The following LRP6 variants were observed in gnomAD, a reference collection of about 807,000 sequenced individuals.
LRP6 encodes LDL receptor related protein 6, also known as low-density lipoprotein receptor-related protein 6.
LRP6 carries 43 observed loss-of-function variants against 184.1 expected under a neutral mutation model. The observed-to-expected ratio is 0.23, with a 90% confidence interval of 0.18 to 0.30. The LOEUF is 0.30. Among genes scored for constraint, LRP6 ranks in the 10% least tolerant of loss-of-function variants. The probability of loss-of-function intolerance (pLI) is 1.00; values close to 1 mark genes in which losing one functional copy is unlikely to be tolerated. For synonymous variants in LRP6, 719 were observed against 684.9 expected, an observed-to-expected ratio of 1.05 and a Z score of -0.78; for missense variants, 1,571 against 2,005.3, an observed-to-expected ratio of 0.78 and a Z score of 4.14.
chr12:12,167,049 T>C (rs775063743), intron 7 of LRP6, among the ~76,000 whole-genome samples: 9 of 152,048 alleles, frequency 5.9e-5, no homozygotes, highest in Non-Finnish European at 1.0e-4. Context: ...CAGTGAGCTA[T>C]AATCAAGCCA....
intron 5 of LRP6, 91 bp from the exon 6 acceptor site, chr12:12,181,530 T>C (rs764981236): frequency 2.0e-5 from 15 of 756,026 alleles, no homozygotes; most frequent in Non-Finnish European, 3.5e-5. Flanking sequence ...GAAAAATAAA[T>C]ATAAAATATA....
chr12:12,217,636 T>C (rs914183714), intron 2 of LRP6, among the ~76,000 whole-genome samples: 5 of 152,014 alleles, frequency 3.3e-5, no homozygotes, highest in Non-Finnish European at 5.9e-5. Flanking sequence ...TTGCTAAACA[T>C]ACTACAAAGC....
At chr12:12,147,284 A>C in intron 15 of LRP6, 82 bp downstream of exon 15, 2 of 1,507,440 alleles carry the variant, frequency 1.3e-6, no homozygotes, top group South Asian at 2.3e-5. Flanking sequence ...ATGTGCCAAA[A>C]ACAATACGAT....
intron 1 of LRP6, among the ~76,000 whole-genome samples, chr12:12,250,075 T>C (rs1591986678): frequency 6.6e-6 from 1 of 152,228 alleles, no homozygotes; most frequent in East Asian, 1.9e-4. Flanking sequence ...TTCATGACTT[T>C]AGGCCTAAAA....
At chr12:12,225,135 G>T (rs1466600575) in intron 2 of LRP6, among the ~76,000 whole-genome samples, 1 of 152,110 alleles carries the variant, frequency 6.6e-6, no homozygotes, top group Non-Finnish European at 1.5e-5. Context: ...AACCCAGTGG[G>T]TGGAGGATGG....
chr12:12,173,200 C>T (rs1446968869), intron 7 of LRP6, among the ~76,000 whole-genome samples: 3 of 152,116 alleles, frequency 2.0e-5, no homozygotes, highest in African/African-American at 4.8e-5. Flanking sequence ...ACATCCTGGT[C>T]AATTATACTC....
At position 12,138,326 on chromosome 12, in the gene LRP6, G is replaced by C. The variant is rs548238440; in HGVS notation, c.3606C>G (p.Tyr1202Ter). The C allele has an allele frequency of 6.2e-7, 1 of 1,611,694 alleles. No individual in the cohort carries two copies. The highest frequency in any genetic ancestry group is 1.3e-5 in the African/African-American group (1 of 74,972). The stretch of plus-strand genomic sequence containing the variant: ...TAGCTTTATCCCATTAACACTTACT[G>C]TATTCTTGAAGGTTCAGCTCCTTTA... ...HAVKELNLQE[Y>*]RQHPCAQDNG... Residue 1202 changes from tyrosine to a stop codon, truncating the protein, a stop_gained and splice_region_variant, in exon 16 of 23, where the codon TAC (tyrosine) becomes TAG (stop). Transcript: ENST00000261349. LOFTEE classifies it high-confidence loss of function.
At chr12:12,246,133 G>A (rs1351911178) in intron 1 of LRP6, among the ~76,000 whole-genome samples, 1 of 150,826 alleles carries the variant, frequency 6.6e-6, no homozygotes, top group African/African-American at 2.4e-5. Context: ...CTCCTGAGTA[G>A]TTGGGATTAC....
chr12:12,119,104 CTTGTCTGTT>C lies in LRP6; in HGVS notation c.*2013_*2021del, dbSNP rs1403073370. ...GTTCCAGCAATGGGAAGAGTTCATG[CTTGTCTGTT>C]TTAGGATTCTGATAGATTTACCATT... On this transcript the variant is annotated 3_prime_UTR_variant, in exon 23 of 23. Transcript: ENST00000261349. 14 of 152,210 alleles carry C rather than the reference CTTGTCTGTT, an allele frequency of 9.2e-5. No homozygotes were observed. Among genetic ancestry groups the C allele is most frequent in the Admixed American group, 9.2e-4 (14 of 15,280 alleles). The allele number at this position is 152,210 out of a possible 1,614,324, so 9.4% of individuals were successfully genotyped here. A position where few individuals can be genotyped will look rare whatever the true frequency, so the allele number is the denominator to read the frequency against.
At chr12:12,128,797 A>G (rs1434789043) in intron 19 of LRP6, among the ~76,000 whole-genome samples, 1 of 152,096 alleles carries the variant, frequency 6.6e-6, no homozygotes, top group Non-Finnish European at 1.5e-5. Flanking sequence ...CCATTTAATG[A>G]CTCCAGTCAC....
intron 3 of LRP6, among the ~76,000 whole-genome samples, chr12:12,200,937 G>A (rs1336943789): frequency 3.3e-5 from 5 of 152,148 alleles, no homozygotes; most frequent in South Asian, 2.1e-4. Context: ...TTATTTATAA[G>A]AGCTTTTGTT....
At chr12:12,147,592 G>C (rs753716988) in intron 14 of LRP6, 36 bp from the exon 15 acceptor site, 16 of 1,451,702 alleles carry the variant, frequency 1.1e-5, no homozygotes, top group Admixed American at 1.7e-5. Flanking sequence ...AGTTACTGGA[G>C]TAAGAAACCA....
chr12:12,170,213 T>A (rs1304724563), intron 7 of LRP6, among the ~76,000 whole-genome samples: 1 of 152,074 alleles, frequency 6.6e-6, no homozygotes, highest in East Asian at 1.9e-4. Flanking sequence ...TGCACACCTG[T>A]AATCCCAGCT....
intron 17 of LRP6, among the ~76,000 whole-genome samples, chr12:12,133,773 A>C (rs1412931120): frequency 6.7e-6 from 1 of 149,230 alleles, no homozygotes; most frequent in African/African-American, 2.5e-5. Flanking sequence ...CATTAACATA[A>C]AGAGAAATTT....
chr12:12,122,217 G>A (rs1949615625), intron 22 of LRP6, among the ~76,000 whole-genome samples: 1 of 152,166 alleles, frequency 6.6e-6, no homozygotes, highest in Non-Finnish European at 1.5e-5. Context: ...AAAAGGCATT[G>A]GAAAGAGAGA....
At chr12:12,166,452 T>C (rs1174918662) in intron 7 of LRP6, among the ~76,000 whole-genome samples, 1 of 152,234 alleles carries the variant, frequency 6.6e-6, no homozygotes, top group Non-Finnish European at 1.5e-5. Flanking sequence ...TATTCTGTAT[T>C]ATACAATACA....
rs1950075929 is a variant in LRP6, at chr12:12,151,157, T to C, written c.2792-119A>G. On this transcript the variant is annotated intron_variant, in intron 12 of 22. Transcript: ENST00000261349. ...AAAACAGACATAGATGTTGAAGAGCTAAGGCTGAGGACAAAATTCTTTGGC... is the reference window on the plus strand; with the variant it reads ...AAAACAGACATAGATGTTGAAGAGCCAAGGCTGAGGACAAAATTCTTTGGC... 8 of 949,758 alleles carry C rather than the reference T, an allele frequency of 8.4e-6. No homozygotes were observed. In the Admixed American group the frequency reaches 1.0e-4, roughly 12 times the overall value. The allele number at this position is 949,758 out of a possible 1,614,324, so 58.8% of individuals were successfully genotyped here. A position where few individuals can be genotyped will look rare whatever the true frequency, so the allele number is the denominator to read the frequency against.
intron 12 of LRP6, among the ~76,000 whole-genome samples, chr12:12,158,526 T>C (rs963000386): frequency 1.3e-5 from 2 of 152,118 alleles, no homozygotes; most frequent in African/African-American, 4.8e-5. Context: ...GGTCTCGCTA[T>C]ATTGCCTAGG....
At chr12:12,141,300 G>T (rs141245459) in intron 15 of LRP6, among the ~76,000 whole-genome samples, 2,705 of 152,210 alleles carry the variant, frequency 0.018, 37 homozygotes, top group Non-Finnish European at 0.027. Flanking sequence ...CATGTTAAAA[G>T]CTTCTGGAGG....
Sources: gnomAD v4.1 joint callset for allele counts (sites outside exome capture counted in the v4.1 genomes callset) on GRCh38, gnomAD v4.1.1 for gene constraint, MANE v1.5 for transcripts, NCBI Gene and HGNC (gene_info 2026-07-23, HGNC 2026-07-21) for gene names.